Variants in RASA1 observed in about 807,000 individuals in gnomAD.
The protein encoded by RASA1 is ras GTPase-activating protein 1.
Under a neutral mutation model 132.2 loss-of-function variants are expected in RASA1, and 25 were observed. The observed-to-expected ratio is 0.19, with a 90% CI of 0.14 to 0.26. RASA1 has a LOEUF of 0.26. Among genes scored for constraint, RASA1 ranks in the 10% least tolerant of loss-of-function variants. The pLI is 1.00. For synonymous variants in RASA1, 477 were observed against 449.9 expected (o/e 1.06, Z -0.76); for missense variants, 964 against 1,299.2 (o/e 0.74, Z 3.97).
At chr5:87,287,433 CAT>C (rs1290554339) in intron 1 of RASA1, among the ~76,000 whole-genome samples, 6 of 136,428 alleles carry the variant, frequency 4.4e-5, no homozygotes, top group Non-Finnish European at 4.7e-5. Flanking sequence ...ATATACACAC[CAT>C]ATATATACAC....
At chr5:87,341,888 G>A (rs1758497155) in intron 6 of RASA1, among the ~76,000 whole-genome samples, 1 of 151,982 alleles carries the variant, frequency 6.6e-6, no homozygotes, top group Admixed American at 6.5e-5. Flanking sequence ...ATTTAGGGAT[G>A]GAACTTGAGG....
chr5:87,357,059 C>T (rs577791401), intron 9 of RASA1, among the ~76,000 whole-genome samples: 2 of 152,180 alleles, frequency 1.3e-5, no homozygotes, highest in African/African-American at 4.8e-5. Context: ...TGTATTGTTA[C>T]TAAGGTCTTA....
chr5:87,301,627 G>A (rs74638788), intron 1 of RASA1, among the ~76,000 whole-genome samples: 3,193 of 152,188 alleles, frequency 0.021, 113 homozygotes, highest in African/African-American at 0.072. Flanking sequence ...CTTAGGACCA[G>A]AAGTGTTTCA....
chr5:87,350,593 A>G (rs1759191611), intron 8 of RASA1, among the ~76,000 whole-genome samples: 1 of 151,684 alleles, frequency 6.6e-6, no homozygotes. Flanking sequence ...TACTGGAGGA[A>G]GTCGGTAAAA....
intron 12 of RASA1, 141 bp from the exon 13 acceptor site, chr5:87,371,977 G>C: frequency 1.8e-6 from 1 of 569,764 alleles, no homozygotes; most frequent in East Asian, 2.8e-5. Flanking sequence ...TTATTGTTAT[G>C]AAGTACAGTA....
intron 24 of RASA1, among the ~76,000 whole-genome samples, 200 bp from the exon 25 acceptor site, chr5:87,390,600 T>C (rs879808124): frequency 9.2e-5 from 14 of 152,182 alleles, no homozygotes; most frequent in Non-Finnish European, 1.8e-4. Flanking sequence ...CTGTTCACTT[T>C]AGGGTATAAA....
At chr5:87,342,097 T>G (rs752289372) in intron 6 of RASA1, among the ~76,000 whole-genome samples, 1 of 152,100 alleles carries the variant, frequency 6.6e-6, no homozygotes, top group Non-Finnish European at 1.5e-5. Context: ...CCCTGCTGTT[T>G]GTATTAGTTT....
At chr5:87,287,093 TAC>T (rs1754623791) in intron 1 of RASA1, among the ~76,000 whole-genome samples, 3 of 145,662 alleles carry the variant, frequency 2.1e-5, no homozygotes, top group East Asian at 4.1e-4. Context: ...ACCATATATA[TAC>T]ACACCATATA....
chr5:87,347,891 CTTTTG>C (rs1455881657), intron 7 of RASA1, among the ~76,000 whole-genome samples: 1 of 151,892 alleles, frequency 6.6e-6, no homozygotes. Flanking sequence ...ACTTGAGGTA[CTTTTG>C]TTTTAAGTCA....
At chr5:87,334,831 T>C (rs1360657773) in intron 4 of RASA1, among the ~76,000 whole-genome samples, 2 of 152,124 alleles carry the variant, frequency 1.3e-5, no homozygotes, top group Non-Finnish European at 1.5e-5. Context: ...TTCTGCTGTG[T>C]ACCAGGGATC....
intron 14 of RASA1, among the ~76,000 whole-genome samples, chr5:87,374,561 CATT>C (rs1216687018): frequency 6.8e-6 from 1 of 147,780 alleles, no homozygotes; most frequent in African/African-American, 2.5e-5. Context: ...AGTCAAAAAA[CATT>C]TACTAACCCA....
At chr5:87,298,363 C>T (rs1423859999) in intron 1 of RASA1, among the ~76,000 whole-genome samples, 1 of 148,254 alleles carries the variant, frequency 6.7e-6, no homozygotes, top group Non-Finnish European at 1.5e-5. Flanking sequence ...GAGCCTAGAT[C>T]GTACATGCCA....
At chr5:87,308,656 G>A (rs1347413004) in intron 1 of RASA1, among the ~76,000 whole-genome samples, 2 of 152,124 alleles carry the variant, frequency 1.3e-5, no homozygotes, top group Admixed American at 6.5e-5. Flanking sequence ...ATAAGTATAC[G>A]TTTACCTATG....
intron 1 of RASA1, among the ~76,000 whole-genome samples, chr5:87,271,084 C>G (rs1753809999): frequency 6.6e-6 from 1 of 151,908 alleles, no homozygotes; most frequent in Admixed American, 6.6e-5. Context: ...ACTAAAAATA[C>G]GAAATTAGCC....
intron 1 of RASA1, among the ~76,000 whole-genome samples, chr5:87,293,896 T>C (rs1036028259): frequency 6.6e-6 from 1 of 152,122 alleles, no homozygotes; most frequent in African/African-American, 2.4e-5. Context: ...TTAATGACTT[T>C]GGGGTCAGTA....
chr5:87,359,459 G>A (rs1759908491), intron 9 of RASA1, among the ~76,000 whole-genome samples: 1 of 152,062 alleles, frequency 6.6e-6, no homozygotes, highest in African/African-American at 2.4e-5. Context: ...GAATCTTTTA[G>A]GATTTGTGGG....
intron 23 of RASA1, among the ~76,000 whole-genome samples, chr5:87,388,091 C>T (rs192143521): frequency 6.6e-6 from 1 of 152,206 alleles, no homozygotes; most frequent in East Asian, 1.9e-4. Flanking sequence ...TTTGTTTTAC[C>T]TCCTAAGCAT....
chr5:87,310,647 T>C (rs1244940524), intron 1 of RASA1, among the ~76,000 whole-genome samples: 1 of 152,172 alleles, frequency 6.6e-6, no homozygotes, highest in East Asian at 1.9e-4. Flanking sequence ...GCTTTCCTGG[T>C]ATTGATAGTC....
chr5:87,385,518 A>C, intron 22 of RASA1, 129 bp downstream of exon 22: 2 of 738,050 alleles, frequency 2.7e-6, no homozygotes, highest in South Asian at 3.3e-5. Flanking sequence ...TTTTGTTGGT[A>C]TGTTTGTTTT....
Sources: gnomAD v4.1 joint callset for allele counts (sites outside exome capture counted in the v4.1 genomes callset) on GRCh38, gnomAD v4.1.1 for gene constraint, MANE v1.5 for transcripts, NCBI Gene and HGNC (gene_info 2026-07-23, HGNC 2026-07-21) for gene names.